Variants in CDH8 observed in about 807,000 individuals in gnomAD.
The protein encoded by CDH8 is cadherin 8.
CDH8 carries 17 observed loss-of-function variants against 68.1 expected under a neutral mutation model. The observed-to-expected ratio is 0.25, with a 90% confidence interval of 0.17 to 0.37. The LOEUF (loss-of-function observed/expected upper bound fraction) is 0.37, where lower values mean the gene tolerates loss of function less well. Ranked by LOEUF, CDH8 falls within the 10% of genes least tolerant of loss-of-function variation. The pLI is 1.00. For missense variants in CDH8, 763 were observed against 999.3 expected (o/e 0.76, Z 3.19); for synonymous variants, 372 against 365.1 (o/e 1.02, Z -0.21).
chr16:61,747,567 T>C (rs1284971580), intron 8 of CDH8, among the ~76,000 whole-genome samples: 1 of 152,010 alleles, frequency 6.6e-6, no homozygotes, highest in East Asian at 1.9e-4. Flanking sequence ...CAAAACATTA[T>C]GAGAAAGTGA....
At chr16:61,733,174 C>G (rs919217347) in intron 8 of CDH8, among the ~76,000 whole-genome samples, 2 of 151,806 alleles carry the variant, frequency 1.3e-5, no homozygotes, top group East Asian at 1.9e-4. Flanking sequence ...ATTTTTATAT[C>G]TCACTTGAAT....
chr16:61,773,479 T>C (rs145738732), intron 8 of CDH8, among the ~76,000 whole-genome samples: 34 of 152,242 alleles, frequency 2.2e-4, no homozygotes, highest in African/African-American at 8.2e-4. Context: ...ATTTGTGTAT[T>C]GTTTATAAAA....
chr16:61,884,405 G>A (rs1290240732), intron 3 of CDH8, among the ~76,000 whole-genome samples: 4 of 146,564 alleles, frequency 2.7e-5, no homozygotes, highest in East Asian at 4.0e-4. Context: ...AGGGAGTCTC[G>A]CTCTATTGCC....
intron 10 of CDH8, among the ~76,000 whole-genome samples, chr16:61,699,084 A>C (rs1964376666): frequency 6.6e-6 from 1 of 152,102 alleles, no homozygotes; most frequent in Non-Finnish European, 1.5e-5. Context: ...GCTTCCTTTC[A>C]TGAAGCCCCA....
At chr16:61,958,107 GA>G (rs1242202068) in intron 2 of CDH8, among the ~76,000 whole-genome samples, 1 of 152,202 alleles carries the variant, frequency 6.6e-6, no homozygotes, top group African/African-American at 2.4e-5. Context: ...TCTTGTGGGA[GA>G]GGGGGATAAA....
intron 3 of CDH8, among the ~76,000 whole-genome samples, chr16:61,897,256 A>G (rs1963883709): frequency 1.3e-5 from 2 of 152,020 alleles, no homozygotes; most frequent in South Asian, 2.1e-4. Flanking sequence ...TACGTAGCTG[A>G]TAATTTTTTT....
At chr16:61,755,755 T>G (rs1344109486) in intron 8 of CDH8, among the ~76,000 whole-genome samples, 2 of 138,376 alleles carry the variant, frequency 1.4e-5, no homozygotes, top group Non-Finnish European at 3.2e-5. Flanking sequence ...AGTTTTCTTC[T>G]TTTTCTTCTT....
intron 2 of CDH8, among the ~76,000 whole-genome samples, chr16:61,925,188 A>G (rs946130026): frequency 5.9e-5 from 9 of 152,216 alleles, no homozygotes; most frequent in Non-Finnish European, 1.2e-4. Context: ...CCATTGTCCA[A>G]TTAAAGCAGG....
rs1963309140 is a variant in CDH8 at position 61,650,942 on chromosome 16, A to G, written c.*2666T>C. ...GCTTTCATTCTGTGTTCCTAGGCAA[A>G]GAGAATACTTAGGCGATATTTGGGC... is the stretch of plus-strand genomic sequence containing the variant. On this transcript the variant is annotated 3_prime_UTR_variant, in exon 12 of 12. Transcript: ENST00000577390. The G allele has an allele frequency of 6.6e-6, 1 of 152,104 alleles. No homozygotes were observed. The highest frequency in any genetic ancestry group is 6.6e-5 in the Admixed American group (1 of 15,256). 9.4% of individuals were successfully genotyped at this position (152,104 alleles called of 1,614,324 possible). A position where few individuals can be genotyped will look rare whatever the true frequency, so the allele number is the denominator to read the frequency against.
chr16:61,839,971 A>G (rs1567494462), intron 4 of CDH8, among the ~76,000 whole-genome samples: 3 of 152,090 alleles, frequency 2.0e-5, no homozygotes, highest in Non-Finnish European at 2.9e-5. Context: ...TAATTTTTGC[A>G]TCTACCTTGC....
At chr16:61,929,033 C>A (rs867936140) in intron 2 of CDH8, among the ~76,000 whole-genome samples, 1 of 152,050 alleles carries the variant, frequency 6.6e-6, no homozygotes, top group African/African-American at 2.4e-5. Flanking sequence ...CTCAGCCTCC[C>A]GAGTAGCTGG....
intron 10 of CDH8, among the ~76,000 whole-genome samples, chr16:61,674,323 G>T (rs978620496): frequency 1.3e-5 from 2 of 151,860 alleles, no homozygotes; most frequent in Admixed American, 1.3e-4. Flanking sequence ...GCGTGGTGGT[G>T]AGTGCCTGTA....
intron 1 of CDH8, among the ~76,000 whole-genome samples, chr16:62,031,214 C>T (rs949174864): frequency 6.6e-6 from 1 of 152,012 alleles, no homozygotes; most frequent in Non-Finnish European, 1.5e-5. Flanking sequence ...TTTTTATATT[C>T]CCATATCATT....
At chr16:61,993,787 G>A (rs974854419) in intron 2 of CDH8, among the ~76,000 whole-genome samples, 1 of 152,012 alleles carries the variant, frequency 6.6e-6, no homozygotes, top group Admixed American at 6.6e-5. Context: ...ACAAATGCAT[G>A]GACTCTTCAT....
At chr16:61,780,973 TCAAA>T (rs1048026863) in intron 8 of CDH8, among the ~76,000 whole-genome samples, 3 of 152,214 alleles carry the variant, frequency 2.0e-5, no homozygotes, top group Non-Finnish European at 2.9e-5. Flanking sequence ...CTGCAAAAAT[TCAAA>T]CAAAGACAGA....
At chr16:61,756,208 T>C (rs1463568618) in intron 8 of CDH8, among the ~76,000 whole-genome samples, 2 of 152,174 alleles carry the variant, frequency 1.3e-5, no homozygotes, top group Non-Finnish European at 2.9e-5. Flanking sequence ...AAATATATAA[T>C]ACAAGCAAGA....
intron 3 of CDH8, among the ~76,000 whole-genome samples, chr16:61,863,854 T>A (rs1340173889): frequency 3.3e-5 from 5 of 152,192 alleles, no homozygotes; most frequent in Admixed American, 3.3e-4. Context: ...GTGTTTGGCA[T>A]TATCATCTGA....
At chr16:61,902,398 G>A (rs573477696) in intron 2 of CDH8, among the ~76,000 whole-genome samples, 17 of 151,722 alleles carry the variant, frequency 1.1e-4, no homozygotes, top group Non-Finnish European at 1.9e-4. Context: ...TATTATACAC[G>A]GTGTCTCTCC....
chr16:61,724,897 T>C (rs760620394), intron 9 of CDH8, among the ~76,000 whole-genome samples: 1 of 150,842 alleles, frequency 6.6e-6, no homozygotes, highest in African/African-American at 2.4e-5. Flanking sequence ...AATTAGATCA[T>C]TGAGCATTAA....
Sources: allele counts gnomAD v4.1 joint callset (sites outside exome capture counted in the v4.1 genomes callset), GRCh38; gene constraint gnomAD v4.1.1; transcripts MANE v1.5; gene names NCBI Gene and HGNC (gene_info 2026-07-23, HGNC 2026-07-21).